The following CCDC146 variants were observed in gnomAD, a reference collection of about 807,000 sequenced individuals.
The protein encoded by CCDC146 is coiled-coil domain containing 146.
CCDC146 carries 92 observed loss-of-function variants against 119.3 expected under a neutral mutation model. The ratio of observed to expected loss-of-function variants is 0.77; its 90% CI spans 0.65 to 0.92. The LOEUF (loss-of-function observed/expected upper bound fraction) is 0.92. Ranked by LOEUF, CCDC146 falls within the 40% of genes least tolerant of loss-of-function variation. The probability of loss-of-function intolerance (pLI) is 0.00; values close to 1 mark genes in which losing one functional copy is unlikely to be tolerated. For missense variants in CCDC146, 1,000 were observed against 1,103.0 expected, an observed-to-expected ratio of 0.91 and a Z score of 1.32; for synonymous variants, 372 against 371.8, an observed-to-expected ratio of 1.00 and a Z score of -0.01.
chr7:77,227,454 T>C (rs1035631063), intron 2 of CCDC146, among the ~76,000 whole-genome samples: 7 of 152,148 alleles, frequency 4.6e-5, no homozygotes, highest in African/African-American at 1.7e-4. Context: ...TACAGGTGCC[T>C]GCCACCACGC....
intron 1 of CCDC146, among the ~76,000 whole-genome samples, chr7:77,165,006 G>A (rs1019903031): frequency 2.6e-5 from 4 of 152,208 alleles, no homozygotes; most frequent in African/African-American, 9.7e-5. Context: ...TGTTGATTCA[G>A]TGAAGATTCA....
chr7:77,282,888 T>C, intron 15 of CCDC146, 103 bp downstream of exon 15: 2 of 736,824 alleles, frequency 2.7e-6, no homozygotes. Flanking sequence ...ATACTATTTC[T>C]GGGACCTATA....
chr7:77,207,220 A>G (rs1792097280), intron 2 of CCDC146, among the ~76,000 whole-genome samples: 2 of 152,170 alleles, frequency 1.3e-5, no homozygotes, highest in African/African-American at 4.8e-5. Context: ...TAGCATTCTG[A>G]GGTATAGCAT....
chr7:77,157,424 G>A (rs934335165), intron 1 of CCDC146, among the ~76,000 whole-genome samples: 2 of 149,710 alleles, frequency 1.3e-5, no homozygotes, highest in African/African-American at 2.5e-5. Context: ...GCAGTATTTG[G>A]TTTTTACACA....
chr7:77,206,618 G>A (rs1020150585), intron 2 of CCDC146, among the ~76,000 whole-genome samples: 12 of 149,968 alleles, frequency 8.0e-5, no homozygotes, highest in African/African-American at 2.7e-4. Flanking sequence ...GGGTGACAAA[G>A]CGAAACTCTG....
At position 77,256,283 on chromosome 7, in the gene CCDC146, T is replaced by A. The variant is rs1331754749; in HGVS notation, c.508-50T>A. The A allele has an allele frequency of 5.1e-6, 7 of 1,373,166 alleles. No homozygotes were observed. In the Admixed American group the frequency reaches 1.8e-4, roughly 36 times the overall value. 85.1% of individuals were successfully genotyped at this position (1,373,166 alleles called of 1,614,324 possible). A position where few individuals can be genotyped will look rare whatever the true frequency, so the allele number is the denominator to read the frequency against. ...AGTTTTAGTTCAGTTTTTAGGTAGA[T>A]AAATGTTTGCTCAGACTATATAACC... On this transcript the variant is annotated intron_variant, in intron 5 of 18. Coordinates refer to ENST00000285871, the MANE Select transcript of CCDC146 (RefSeq NM_020879.3).
At chr7:77,177,933 TTTTTACTCTGACAGTGGGGTGGAAA>T (rs376897006) in intron 2 of CCDC146, among the ~76,000 whole-genome samples, 1,601 of 152,314 alleles carry the variant, frequency 0.011, 29 homozygotes, top group African/African-American at 0.036. Flanking sequence ...GTTATTATTG[TTTTTACTCTGACAGTGGGGTGGAAA>T]TTTAAAAACT....
chr7:77,284,161 G>C (rs1793809399), intron 15 of CCDC146, among the ~76,000 whole-genome samples: 1 of 152,186 alleles, frequency 6.6e-6, no homozygotes, highest in Non-Finnish European at 1.5e-5. Flanking sequence ...CCATTCAAGC[G>C]AGGCCTCTGT....
chr7:77,293,312 A>G (rs2150560877), intron 18 of CCDC146, 112 bp downstream of exon 18: 1 of 1,086,482 alleles, frequency 9.2e-7, no homozygotes. Flanking sequence ...TACCACACAC[A>G]GTCCCAACAG....
chr7:77,259,907 A>G, intron 7 of CCDC146, 102 bp from the exon 8 acceptor site: 1 of 777,214 alleles, frequency 1.3e-6, no homozygotes, highest in Non-Finnish European at 2.1e-6. Flanking sequence ...AAGCAAGAAT[A>G]GGTAAAGCCA....
intron 1 of CCDC146, among the ~76,000 whole-genome samples, chr7:77,146,177 T>C (rs1355678222): frequency 1.3e-5 from 2 of 152,220 alleles, no homozygotes; most frequent in African/African-American, 4.8e-5. Context: ...AATGGCCTTC[T>C]TTGTCTCTTT....
chr7:77,192,923 TA>T (rs993639012), intron 2 of CCDC146, among the ~76,000 whole-genome samples: 2 of 151,138 alleles, frequency 1.3e-5, no homozygotes, highest in African/African-American at 4.9e-5. Context: ...ACTCCGTCTC[TA>T]AAAAAAATAA....
intron 2 of CCDC146, among the ~76,000 whole-genome samples, chr7:77,174,121 T>A (rs1011000739): frequency 6.6e-6 from 1 of 152,174 alleles, no homozygotes; most frequent in Non-Finnish European, 1.5e-5. Flanking sequence ...TGGCTTATCA[T>A]ATATTAGTTT....
intron 1 of CCDC146, among the ~76,000 whole-genome samples, chr7:77,144,382 T>G (rs1363212500): frequency 6.6e-6 from 1 of 151,798 alleles, no homozygotes; most frequent in East Asian, 1.9e-4. Flanking sequence ...TTTGACTTCC[T>G]CTTTTCCTAA....
intron 2 of CCDC146, among the ~76,000 whole-genome samples, chr7:77,209,015 C>A (rs1256523325): frequency 6.6e-6 from 1 of 152,208 alleles, no homozygotes; most frequent in Non-Finnish European, 1.5e-5. Context: ...CAAACCACAT[C>A]ATTTCACCTC....
At chr7:77,185,783 G>C (rs186069403) in intron 2 of CCDC146, among the ~76,000 whole-genome samples, 311 of 152,262 alleles carry the variant, frequency 2.0e-3, no homozygotes, top group African/African-American at 7.2e-3. Context: ...AAGAAACAGA[G>C]ATATGTAACC....
intron 2 of CCDC146, chr7:77,199,586 T>G: frequency 6.2e-7 from 1 of 1,614,192 alleles, no homozygotes; most frequent in Non-Finnish European, 8.5e-7. Context: ...CTGAATTGCT[T>G]CGGGAGCTGA....
At chr7:77,133,902 T>C (rs1790823983) in intron 1 of CCDC146, among the ~76,000 whole-genome samples, 1 of 151,580 alleles carries the variant, frequency 6.6e-6, no homozygotes, top group South Asian at 2.1e-4. Context: ...ATGACAGCAA[T>C]GATATAATTG....
At chr7:77,262,402 GAAGAA>G in intron 9 of CCDC146, 95 bp downstream of exon 9, 1 of 944,504 alleles carries the variant, frequency 1.1e-6, no homozygotes, top group South Asian at 2.0e-5. Context: ...CAGTAGAGAA[GAAGAA>G]AATACAAGTA....
Sources: gnomAD v4.1 joint callset for allele counts (sites outside exome capture counted in the v4.1 genomes callset) on GRCh38, gnomAD v4.1.1 for gene constraint, MANE v1.5 for transcripts, NCBI Gene and HGNC (gene_info 2026-07-23, HGNC 2026-07-21) for gene names.